The following GAB2 variants were observed in gnomAD, a reference collection of about 807,000 sequenced individuals.
The protein encoded by GAB2 is GRB2 associated binding protein 2.
A neutral mutation model predicts 65.5 loss-of-function variants in GAB2; 26 were observed. The ratio of observed to expected loss-of-function variants is 0.40; its 90% CI spans 0.29 to 0.55. The LOEUF (loss-of-function observed/expected upper bound fraction) is 0.55, where lower values mean the gene tolerates loss of function less well. Ranked by LOEUF, GAB2 falls within the 20% of genes least tolerant of loss-of-function variation. GAB2 has a pLI of 0.53. For synonymous variants in GAB2, 321 were observed against 329.6 expected, an observed-to-expected ratio of 0.97 and a Z score of 0.28; for missense variants, 884 against 875.8, an observed-to-expected ratio of 1.01 and a Z score of -0.12.
chr11:78,304,429 T>C (rs751432346), intron 1 of GAB2, among the ~76,000 whole-genome samples: 7 of 152,212 alleles, frequency 4.6e-5, no homozygotes, highest in African/African-American at 1.4e-4. Context: ...ATAGGATCTG[T>C]AGTGATAGGC....
At chr11:78,354,301 C>T (rs746388825) in intron 1 of GAB2, among the ~76,000 whole-genome samples, 1 of 152,126 alleles carries the variant, frequency 6.6e-6, no homozygotes. Context: ...TTATTGCTTA[C>T]TTCTCTGTAT....
intron 2 of GAB2, among the ~76,000 whole-genome samples, chr11:78,264,333 T>C (rs72948576): frequency 6.6e-6 from 1 of 152,098 alleles, no homozygotes; most frequent in Non-Finnish European, 1.5e-5. Context: ...TAGGATGGCT[T>C]TTGTTAAATT....
At chr11:78,260,840 C>CA (rs1865709026) in intron 2 of GAB2, among the ~76,000 whole-genome samples, 1 of 152,154 alleles carries the variant, frequency 6.6e-6, no homozygotes, top group Admixed American at 6.5e-5. Context: ...ATAAATCTGT[C>CA]ATGTGAAGTG....
chr11:78,313,929 G>C (rs544620084), intron 1 of GAB2, among the ~76,000 whole-genome samples: 1 of 152,248 alleles, frequency 6.6e-6, no homozygotes, highest in Admixed American at 6.5e-5. Flanking sequence ...AATGTGAAGA[G>C]AGCACATGAA....
chr11:78,363,486 T>C (rs891587190), intron 1 of GAB2, among the ~76,000 whole-genome samples: 2 of 152,182 alleles, frequency 1.3e-5, no homozygotes, highest in African/African-American at 4.8e-5. Flanking sequence ...ACCTATTACA[T>C]ACCAGGTACT....
chr11:78,350,471 C>T (rs1213808847), intron 1 of GAB2, among the ~76,000 whole-genome samples: 4 of 152,204 alleles, frequency 2.6e-5, no homozygotes, highest in Non-Finnish European at 5.9e-5. Context: ...TCATGCACTT[C>T]CTCTTTGAGG....
Position 78,291,235 on chromosome 11 carries a change from G to A in GAB2, c.76-10334C>T, listed in dbSNP as rs576696618. ...TGAGAGGCCGAGGCAGGCAGATCACGAGGTCAGGAGATTGAGACCATCCTG... is the reference window on the plus strand; with the variant it reads ...TGAGAGGCCGAGGCAGGCAGATCACAAGGTCAGGAGATTGAGACCATCCTG... On this transcript the variant is annotated intron_variant, in intron 1 of 9. Transcript: ENST00000361507. Among the ~76,000 whole-genome samples, 171 of 148,450 alleles carry A rather than the reference G, an allele frequency of 1.2e-3. 1 individual carries two copies. Among genetic ancestry groups the A allele is most frequent in the African/African-American group, 4.0e-3 (161 of 40,112 alleles).
rs573279819 is a variant in GAB2, at chr11:78,414,493, G to A, written c.75+3153C>T. On this transcript the variant is annotated intron_variant, in intron 1 of 9. Coordinates refer to ENST00000361507, the MANE Select transcript of GAB2 (RefSeq NM_080491.3). ...TGATAGAAAACTACAATGCAGTGTA[G>A]GTCATATTAATAAAATGTTTTTCCT... Among the ~76,000 whole-genome samples, 11 of 152,218 alleles carry A rather than the reference G, an allele frequency of 7.2e-5. No homozygotes were observed. In the East Asian group the frequency reaches 1.2e-3, roughly 16 times the overall value.
chr11:78,405,432 G>A (rs1269236509), intron 1 of GAB2, among the ~76,000 whole-genome samples: 1 of 152,148 alleles, frequency 6.6e-6, no homozygotes, highest in African/African-American at 2.4e-5. Context: ...GACTTGGTTT[G>A]TAGTCCTGGG....
At chr11:78,252,975 AT>A (rs1408272946) in intron 2 of GAB2, among the ~76,000 whole-genome samples, 3 of 145,912 alleles carry the variant, frequency 2.1e-5, no homozygotes, top group Non-Finnish European at 4.5e-5. Flanking sequence ...CTCTTCTGTT[AT>A]ACCTCAGATG....
intron 3 of GAB2, among the ~76,000 whole-genome samples, chr11:78,239,403 T>C (rs1865069222): frequency 6.6e-6 from 1 of 152,134 alleles, no homozygotes; most frequent in Non-Finnish European, 1.5e-5. Flanking sequence ...GTATTTTTAG[T>C]AGAGACAGGG....
At chr11:78,371,831 A>AT (rs1591071200) in intron 1 of GAB2, among the ~76,000 whole-genome samples, 3 of 152,234 alleles carry the variant, frequency 2.0e-5, no homozygotes, top group African/African-American at 7.2e-5. Flanking sequence ...TAGAAAAAAA[A>AT]TAAATAAAAG....
intron 1 of GAB2, among the ~76,000 whole-genome samples, chr11:78,312,329 A>T: frequency 6.6e-6 from 1 of 152,094 alleles, no homozygotes; most frequent in East Asian, 1.9e-4. Flanking sequence ...AACAAAATAC[A>T]GTTACTTTGG....
chr11:78,290,769 A>G (rs1276409325), intron 1 of GAB2, among the ~76,000 whole-genome samples: 2 of 152,210 alleles, frequency 1.3e-5, no homozygotes, highest in African/African-American at 2.4e-5. Flanking sequence ...CAAGTTGAAC[A>G]AGTACCAGCA....
intron 1 of GAB2, among the ~76,000 whole-genome samples, chr11:78,403,615 A>C (rs184833148): frequency 6.6e-6 from 1 of 152,366 alleles, no homozygotes; most frequent in Admixed American, 6.5e-5. Flanking sequence ...TAAATATGAG[A>C]CCTGAAACTA....
At chr11:78,288,718 T>C (rs1180919821) in intron 1 of GAB2, among the ~76,000 whole-genome samples, 2 of 152,216 alleles carry the variant, frequency 1.3e-5, no homozygotes, top group African/African-American at 2.4e-5. Context: ...ACCATATTCA[T>C]GGATTGGACA....
At chr11:78,279,338 C>T (rs1204139627) in intron 2 of GAB2, among the ~76,000 whole-genome samples, 1 of 152,148 alleles carries the variant, frequency 6.6e-6, no homozygotes, top group Non-Finnish European at 1.5e-5. Context: ...GCAAGACCTT[C>T]TAAGGATGGG....
rs746171817 is a variant in GAB2, at chr11:78,219,400, C to A, written c.1903G>T (p.Val635Phe). The A allele has an allele frequency of 4.3e-6, 7 of 1,613,532 alleles. No homozygotes were observed. In the Admixed American group the frequency reaches 1.0e-4, roughly 23 times the overall value. The change falls in exon 10 of 10, where the codon GTC (valine) becomes TTC (phenylalanine). Residue 635 changes from valine (V) to phenylalanine (F), a missense_variant. Val to Phe is a conservative substitution (Grantham distance 50). Coordinates refer to ENST00000361507, the MANE Select transcript of GAB2 (RefSeq NM_080491.3). ...TAGTCCACCTTCTCATCAGAGGTGA[C>A]GGATGAAGTAGATGGCTGAGGGGAC... is the stretch of plus-strand genomic sequence containing the variant. ...SPHRKPSTSS[V>F]TSDEKVDYVQ...
At chr11:78,320,941 G>A (rs984626912) in intron 1 of GAB2, among the ~76,000 whole-genome samples, 3 of 152,104 alleles carry the variant, frequency 2.0e-5, no homozygotes, top group Non-Finnish European at 2.9e-5. Context: ...GAGAGAGAGA[G>A]AAGGTAATGC....
Sources: gnomAD v4.1 joint callset for allele counts (sites outside exome capture counted in the v4.1 genomes callset) on GRCh38, gnomAD v4.1.1 for gene constraint, MANE v1.5 for transcripts, NCBI Gene and HGNC (gene_info 2026-07-23, HGNC 2026-07-21) for gene names.